Variants in KANK2 observed in about 807,000 individuals in gnomAD.
KANK2 encodes KN motif and ankyrin repeat domain-containing protein 2.
A neutral mutation model predicts 74.6 loss-of-function variants in KANK2; 41 were observed. That is an observed-to-expected ratio of 0.55 (90% CI 0.43 to 0.71). KANK2 has a LOEUF of 0.71. Among genes scored for constraint, KANK2 ranks in the 30% least tolerant of loss-of-function variants. KANK2 has a pLI of 0.00. For missense variants in KANK2, 1,148 were observed against 1,196.4 expected, an observed-to-expected ratio of 0.96 and a Z score of 0.60; for synonymous variants, 537 against 519.0, an observed-to-expected ratio of 1.03 and a Z score of -0.47.
chr19:11,194,742 GC>G (rs796264491), intron 2 of KANK2, 152 bp from the exon 3 acceptor site: 519 of 472,396 alleles, frequency 1.1e-3, no homozygotes, highest in Non-Finnish European at 1.3e-3. Flanking sequence ...CTGCGGAAGG[GC>G]CCCCCCCGAC....
chr19:11,174,029 T>C (rs1600809025), intron 9 of KANK2, among the ~76,000 whole-genome samples: 2 of 149,484 alleles, frequency 1.3e-5, no homozygotes, highest in African/African-American at 5.0e-5. Context: ...GCATCTCCCA[T>C]ATCAAACTGG....
rs2078961602 is a variant in KANK2, at chr19:11,194,577, C to T, written c.-66G>A. The T allele has an allele frequency of 1.1e-5, 14 of 1,304,366 alleles. No homozygotes were observed. The highest frequency in any genetic ancestry group is 1.5e-5 in the African/African-American group (1 of 68,914). 80.8% of individuals were successfully genotyped at this position (1,304,366 alleles called of 1,614,324 possible). On this transcript the variant is annotated 5_prime_UTR_variant, in exon 3 of 13. Transcript: ENST00000586659. ...CTGCGAGTCAGACTGCCTGCAGCAC[C>T]GGCTGAGGCTTACCTGGGGAAAGAG...
In KANK2 at chr19:11,177,093, C is replaced by CTTTT. The variant is rs33941817; in HGVS notation, c.1521-280_1521-277dup. 1.5e-3 allele frequency among the ~76,000 whole-genome samples: 162 copies of CTTTT among 104,766 alleles called. 2 individuals are homozygous for CTTTT. The highest frequency in any genetic ancestry group is 1.9e-3 in the Non-Finnish European group (106 of 56,042). The allele number at this position is 104,766 out of a possible 152,430, so 68.7% of individuals were successfully genotyped here. ...TGACACTTCTAGCATACTCACCCTC[C>CTTTT]TTTTTTTTTTTTTTTTTTTTGAGAT... On this transcript the variant is annotated intron_variant, in intron 6 of 12. Coordinates refer to ENST00000586659, the MANE Select transcript of KANK2 (RefSeq NM_001136191.3).
chr19:11,192,794 C>T (rs7254271), intron 4 of KANK2, 37 bp downstream of exon 4: 27 of 1,593,686 alleles, frequency 1.7e-5, no homozygotes, highest in East Asian at 1.6e-4. Context: ...CCCCCCCCCC[C>T]CAAGCCATTC....
At chr19:11,189,116 C>T (rs115727494) in intron 4 of KANK2, among the ~76,000 whole-genome samples, 2,289 of 147,514 alleles carry the variant, frequency 0.016, 74 homozygotes, top group African/African-American at 0.055. Context: ...CACCCCCGCC[C>T]ACAAGATTGG....
In KANK2 at chr19:11,169,930, C is replaced by T. The variant is rs2147378655; in HGVS notation, c.2449G>A (p.Gly817Arg). ...AGCATGGACGCAATCTCACTCTGCC[C>T]TGCGTCCAAGGCCACCATCAGAGCT... ...STALMVALDA[G>R]QSEIASMLYS... Residue 817 changes from glycine (G) to arginine (R), a missense_variant, in exon 12 of 13, where the codon GGG becomes AGG. By Grantham distance (125) the Gly-to-Arg change is moderately radical. Transcript: ENST00000586659. The T allele has an allele frequency of 6.2e-7, 1 of 1,614,218 alleles. No homozygotes were observed. The highest frequency in any genetic ancestry group is 1.7e-5 in the Admixed American group (1 of 60,026).
In KANK2 at chr19:11,195,661, CTCTCTCCAAGTCTCTCTGTG is replaced by C. The variant is rs1258796530; in HGVS notation, c.-139_-120del. On this transcript the variant is annotated 5_prime_UTR_variant, in exon 2 of 13. Coordinates refer to ENST00000586659, the MANE Select transcript of KANK2 (RefSeq NM_001136191.3). ...GTTCTCCCGTCCTGTCTTGCTTTGTCTCTCTCCAAGTCTCTCTGTGTCTCTCCACGTCTCTCTGTGTCTCT... is the reference window on the plus strand; with the variant it reads ...GTTCTCCCGTCCTGTCTTGCTTTGTCTCTCTCCACGTCTCTCTGTGTCTCT... 5 of 148,988 alleles carry C rather than the reference CTCTCTCCAAGTCTCTCTGTG, an allele frequency of 3.4e-5. No individual in the cohort carries two copies. The East Asian group carries it at 5.9e-4, about 18-fold the overall frequency. The allele number at this position is 148,988 out of a possible 1,614,324, so 9.2% of individuals were successfully genotyped here. A position where few individuals can be genotyped will look rare whatever the true frequency, so the allele number is the denominator to read the frequency against.
intron 4 of KANK2, among the ~76,000 whole-genome samples, chr19:11,191,125 C>CCG (rs904326000): frequency 1.3e-5 from 2 of 151,918 alleles, no homozygotes; most frequent in African/African-American, 4.8e-5. Flanking sequence ...ACTGCAACCT[C>CCG]CGCCTCCCGG....
In KANK2 at chr19:11,193,234, C is replaced by T. The variant is rs1221707395; in HGVS notation, c.846G>A (p.Glu282=). The T allele has an allele frequency of 3.7e-6, 6 of 1,609,898 alleles. No individual in the cohort carries two copies. Among genetic ancestry groups the T allele is most frequent in the African/African-American group, 1.3e-5 (1 of 75,052 alleles). Residue 282 remains glutamate, a synonymous_variant, in exon 4 of 13, where the codon GAG becomes GAA. Transcript: ENST00000586659. The surrounding 1 kb of genome is among the most constrained non-coding windows in gnomAD (Gnocchi z 9.6). ...CAGCGACCTTGGCGGCGAGGGCAGC[C>T]TCCCCATCAGGCATGCCCAAGTCCC... ...RERDLGMPDG[E]AALAAKVAVL... is the part of the protein sequence containing the mutation.
chr19:11,175,598 G>A (rs1469642379), intron 8 of KANK2, among the ~76,000 whole-genome samples: 3 of 152,044 alleles, frequency 2.0e-5, no homozygotes, highest in East Asian at 1.9e-4. Context: ...GGTTATAATC[G>A]CCAAAGTCAA....
At position 11,193,989 on chromosome 19, in the gene KANK2, G is replaced by A. The variant is rs777463223; in HGVS notation, c.91C>T (p.Pro31Ser). The change falls in exon 4 of 13, where the codon CCC (proline) becomes TCC (serine). Residue 31 changes from proline to serine, a missense_variant. Physicochemically the swap from Pro to Ser is moderately conservative, Grantham distance 74 (BLOSUM62 -1). Transcript: ENST00000586659. The surrounding 1 kb of genome is among the most constrained non-coding windows in gnomAD (Gnocchi z 9.6). ...PAFPAKDPDPPYSVETPYGYR... is the reference protein window; with the variant it reads ...PAFPAKDPDPSYSVETPYGYR... ...CCATAGGGGGTCTCCACGGAGTAGG[G>A]TGGATCGGGGTCCTTGGCAGGGAAG... The A allele has an allele frequency of 3.1e-6, 5 of 1,613,616 alleles. No individual in the cohort carries two copies. Among genetic ancestry groups the A allele is most frequent in the Non-Finnish European group, 3.4e-6 (4 of 1,179,714 alleles).
chr19:11,174,450 C>T (rs2078270930), intron 9 of KANK2, 23 bp downstream of exon 9: 2 of 1,577,274 alleles, frequency 1.3e-6, no homozygotes, highest in Non-Finnish European at 1.7e-6. Flanking sequence ...TTAGAGCCGC[C>T]TCGTCCTCCC....
chr19:11,182,324 C>A (rs2078545168), intron 4 of KANK2, among the ~76,000 whole-genome samples: 1 of 150,792 alleles, frequency 6.6e-6, no homozygotes, highest in South Asian at 2.1e-4. Context: ...TCAAGACCAG[C>A]CTGGGCAACA....
chr19:11,164,475 T>G lies in KANK2; in HGVS notation c.*2083A>C, dbSNP rs1178496734. Reference sequence around the variant, plus strand: ...ACGGAGAGAAGGAAGTGTAGAGAGATGCGTGGACCCATCTCAGGGGTCACG... The same window carrying G: ...ACGGAGAGAAGGAAGTGTAGAGAGAGGCGTGGACCCATCTCAGGGGTCACG... On this transcript the variant is annotated 3_prime_UTR_variant, in exon 13 of 13. Transcript: ENST00000586659. 6.6e-6 allele frequency: 1 copy of G among 152,058 alleles called. No individual in the cohort carries two copies. Among genetic ancestry groups the G allele is most frequent in the African/African-American group, 2.4e-5 (1 of 41,396 alleles). 9.4% of individuals were successfully genotyped at this position (152,058 alleles called of 1,614,324 possible).
chr19:11,169,473 A>C (rs2078111301), intron 12 of KANK2, among the ~76,000 whole-genome samples: 1 of 152,052 alleles, frequency 6.6e-6, no homozygotes, highest in African/African-American at 2.4e-5. Context: ...GTGCCACTGC[A>C]CTCCAGCCTT....
chr19:11,172,932 A>G (rs2078217942), intron 10 of KANK2, 49 bp downstream of exon 10: 1 of 1,592,622 alleles, frequency 6.3e-7, no homozygotes, highest in Non-Finnish European at 8.6e-7. Context: ...CTGGGATGTC[A>G]TAAAGTAGGA....
intron 1 of KANK2, chr19:11,196,851 A>ACCAC (rs1185095397): frequency 6.6e-6 from 1 of 152,034 alleles, no homozygotes; most frequent in African/African-American, 2.4e-5. Flanking sequence ...TCCCCAACCC[A>ACCAC]CCACCCAAGA....
intron 6 of KANK2, 93 bp from the exon 7 acceptor site, chr19:11,176,910 G>A (rs1417284962): frequency 7.1e-7 from 1 of 1,402,030 alleles, no homozygotes; most frequent in Non-Finnish European, 9.4e-7. Flanking sequence ...TGACCTCTGT[G>A]GGCCTCAGCT....
At chr19:11,191,517 C>T (rs1008138603) in intron 4 of KANK2, among the ~76,000 whole-genome samples, 7 of 152,248 alleles carry the variant, frequency 4.6e-5, no homozygotes, top group Non-Finnish European at 7.3e-5. Context: ...CTCCCCTACC[C>T]CCGGCGTCCA....
Sources: allele counts gnomAD v4.1 joint callset (sites outside exome capture counted in the v4.1 genomes callset), GRCh38; gene constraint gnomAD v4.1.1; non-coding constraint Gnocchi (gnomAD v3.1); transcripts MANE v1.5; gene names NCBI Gene and HGNC (gene_info 2026-07-23, HGNC 2026-07-21).